The following CUEDC1 variants were observed in gnomAD, a reference collection of about 807,000 sequenced individuals.
CUEDC1 encodes the protein CUE domain containing 1.
In CUEDC1, 30 loss-of-function variants were observed where a neutral mutation model predicts 43.7. That is an observed-to-expected ratio of 0.69 (90% CI 0.51 to 0.93). CUEDC1 has a LOEUF of 0.93. Ranked by LOEUF, CUEDC1 falls within the 40% of genes least tolerant of loss-of-function variation. CUEDC1 has a pLI of 0.00. For synonymous variants in CUEDC1, 223 were observed against 223.6 expected (o/e 1.00, Z 0.02); for missense variants, 486 against 549.0 (o/e 0.89, Z 1.15).
chr17:57,887,826 C>T (rs1185229219), intron 1 of CUEDC1, among the ~76,000 whole-genome samples: 1 of 150,456 alleles, frequency 6.6e-6, no homozygotes, highest in African/African-American at 2.4e-5. Flanking sequence ...GTGAGTACAT[C>T]AACCCCTGAG....
chr17:57,886,850 G>A (rs1368079426), intron 1 of CUEDC1, among the ~76,000 whole-genome samples: 4 of 125,482 alleles, frequency 3.2e-5, no homozygotes, highest in African/African-American at 9.5e-5. Flanking sequence ...ACGGAGTCTC[G>A]CTCTGTCACC....
chr17:57,911,507 T>C (rs2074582932), intron 1 of CUEDC1, among the ~76,000 whole-genome samples: 2 of 152,146 alleles, frequency 1.3e-5, no homozygotes, highest in Admixed American at 6.5e-5. Flanking sequence ...TTTTCTTTTT[T>C]CTTTTCTTTT....
intron 2 of CUEDC1, among the ~76,000 whole-genome samples, chr17:57,882,441 T>C (rs2074222634): frequency 1.3e-5 from 2 of 152,222 alleles, no homozygotes; most frequent in South Asian, 4.2e-4. Flanking sequence ...CAGAGGTCTA[T>C]AGGACTGTGG....
In CUEDC1 at chr17:57,954,112, A is replaced by G. The variant is rs948166944; in HGVS notation, c.-316+1113T>C. On this transcript the variant is annotated intron_variant, in intron 1 of 10. Transcript: ENST00000577830. This position sits in a 1 kb window ranked among gnomAD's most constrained non-coding sequence, Gnocchi z 4.3. The stretch of plus-strand genomic sequence containing the variant: ...TCACCTCCTTCAGGCACAGCTGGCT[A>G]TAAAGAAAAGGGGTGAAAGGCCCAG... 7.9e-5 allele frequency among the ~76,000 whole-genome samples: 12 copies of G among 152,164 alleles called. No individual in the cohort carries two copies. The highest frequency in any genetic ancestry group is 1.6e-4 in the Non-Finnish European group (11 of 68,012).
intron 8 of CUEDC1, chr17:57,867,731 T>C (rs2073980655): frequency 2.0e-6 from 1 of 499,722 alleles, no homozygotes; most frequent in South Asian, 2.8e-5. Context: ...GATAAAAAGG[T>C]GGAAAGCCGT....
At chr17:57,898,234 C>A (rs2074434063) in intron 1 of CUEDC1, among the ~76,000 whole-genome samples, 1 of 152,116 alleles carries the variant, frequency 6.6e-6, no homozygotes, top group South Asian at 2.1e-4. Flanking sequence ...GGAATGAGGG[C>A]CGAGTGGACA....
intron 2 of CUEDC1, among the ~76,000 whole-genome samples, chr17:57,881,275 A>G (rs933617882): frequency 4.6e-5 from 7 of 152,246 alleles, no homozygotes; most frequent in Admixed American, 2.6e-4. Flanking sequence ...CCCGCCCTGG[A>G]ATGCACTAAC....
chr17:57,894,244 GC>G (rs558923172), intron 1 of CUEDC1, among the ~76,000 whole-genome samples: 2,060 of 152,360 alleles, frequency 0.014, 64 homozygotes, highest in African/African-American at 0.048. Flanking sequence ...GCTGGGGGCA[GC>G]CCCTGCCTTC....
chr17:57,915,575 A>G (rs1466848697), intron 1 of CUEDC1, among the ~76,000 whole-genome samples: 1 of 152,214 alleles, frequency 6.6e-6, no homozygotes, highest in Non-Finnish European at 1.5e-5. Flanking sequence ...TGGATGATGC[A>G]GTTTATCAAA....
At chr17:57,869,305 G>T in intron 6 of CUEDC1, 112 bp from the exon 7 acceptor site, 1 of 885,112 alleles carries the variant, frequency 1.1e-6, no homozygotes, top group Non-Finnish European at 1.8e-6. Flanking sequence ...CTTCTTCCCT[G>T]GCCAGAAGGG....
intron 1 of CUEDC1, among the ~76,000 whole-genome samples, chr17:57,889,208 A>G (rs536881640): frequency 6.6e-6 from 1 of 152,270 alleles, no homozygotes; most frequent in South Asian, 2.1e-4. Context: ...TCCTCAGCAC[A>G]CTGCCTAGAA....
At chr17:57,869,288 G>T in intron 6 of CUEDC1, 95 bp from the exon 7 acceptor site, 2 of 1,072,270 alleles carry the variant, frequency 1.9e-6, no homozygotes, top group South Asian at 1.3e-5. Flanking sequence ...TGCAAAGAAA[G>T]AGCAGGCTTC....
intron 1 of CUEDC1, among the ~76,000 whole-genome samples, chr17:57,889,643 T>C (rs955420010): frequency 1.3e-5 from 2 of 152,232 alleles, no homozygotes; most frequent in African/African-American, 4.8e-5. Context: ...AGGCAAAGTC[T>C]AGACTTTTCT....
At position 57,924,414 on chromosome 17, in the gene CUEDC1, T is replaced by G. The variant is rs1466327039; in HGVS notation, c.-316+30811A>C. ...CCACCGCGCCGGGCCTCTTCCGGCT[T>G]CTTTACGTTGCTGCTCAAAACTCTT... On this transcript the variant is annotated intron_variant, in intron 1 of 10. Transcript: ENST00000577830. 5.6e-5 allele frequency among the ~76,000 whole-genome samples: 8 copies of G among 143,390 alleles called. No individual in the cohort carries two copies. In the South Asian group the frequency reaches 1.8e-3, roughly 32 times the overall value. The allele number at this position is 143,390 out of a possible 152,430, so 94.1% of individuals were successfully genotyped here.
At chr17:57,915,627 C>T (rs561937739) in intron 1 of CUEDC1, among the ~76,000 whole-genome samples, 3 of 152,188 alleles carry the variant, frequency 2.0e-5, no homozygotes, top group Non-Finnish European at 4.4e-5. Context: ...AAGTTGGCGC[C>T]TGGCCTTAGG....
rs1195767001 is a variant in CUEDC1 at position 57,866,684 on chromosome 17, G to A, written c.1094-140C>T. 1.2e-5 allele frequency: 9 copies of A among 732,658 alleles called. 1 individual carries two copies. Among genetic ancestry groups the A allele is most frequent in the South Asian group, 5.2e-5 (3 of 58,250 alleles). The allele number at this position is 732,658 out of a possible 1,614,324, so 45.4% of individuals were successfully genotyped here. A position where few individuals can be genotyped will look rare whatever the true frequency, so the allele number is the denominator to read the frequency against. On this transcript the variant is annotated intron_variant, in intron 9 of 10. Transcript: ENST00000577830. ...CCCATGCAGATCCCCCCAGGTAGAC[G>A]ATGCATGGGTCCAGGGAGAGAGGCA... is the stretch of plus-strand genomic sequence containing the variant.
At chr17:57,917,864 C>T (rs985712341) in intron 1 of CUEDC1, among the ~76,000 whole-genome samples, 1 of 152,206 alleles carries the variant, frequency 6.6e-6, no homozygotes, top group South Asian at 2.1e-4. Flanking sequence ...TCCTGACCCA[C>T]CCCAAGGCTT....
chr17:57,920,305 T>C (rs942018199), intron 1 of CUEDC1, among the ~76,000 whole-genome samples: 1 of 152,204 alleles, frequency 6.6e-6, no homozygotes, highest in Non-Finnish European at 1.5e-5. Context: ...GAGGGATTCA[T>C]ATGCACATCC....
chr17:57,872,954 C>T, intron 4 of CUEDC1, 99 bp from the exon 5 acceptor site: 1 of 1,124,814 alleles, frequency 8.9e-7, no homozygotes, highest in Non-Finnish European at 1.3e-6. Flanking sequence ...TGTCCAACAT[C>T]CTCCAGCCCT....
Sources: gnomAD v4.1 joint callset for allele counts (sites outside exome capture counted in the v4.1 genomes callset) on GRCh38, gnomAD v4.1.1 for gene constraint, Gnocchi (gnomAD v3.1) non-coding constraint, MANE v1.5 for transcripts, NCBI Gene and HGNC (gene_info 2026-07-23, HGNC 2026-07-21) for gene names.